LAMA1: variants seen among roughly 807,000 people sequenced by gnomAD.
The protein encoded by LAMA1 is laminin subunit alpha 1.
In LAMA1, 219 loss-of-function variants were observed where a neutral mutation model predicts 348.7. The observed-to-expected ratio is 0.63, with a 90% CI of 0.56 to 0.70. The LOEUF (loss-of-function observed/expected upper bound fraction) is 0.70, where lower values mean the gene tolerates loss of function less well. LAMA1 is among the 30% of genes least tolerant of loss of function. The pLI is 0.00. For synonymous variants in LAMA1, 1,487 were observed against 1,491.0 expected, an observed-to-expected ratio of 1.00 and a Z score of 0.06; for missense variants, 3,744 against 3,888.0, an observed-to-expected ratio of 0.96 and a Z score of 0.99.
chr18:6,947,840 C>G (rs186370697), intron 60 of LAMA1, among the ~76,000 whole-genome samples: 41 of 152,242 alleles, frequency 2.7e-4, no homozygotes, highest in Non-Finnish European at 2.1e-4. Flanking sequence ...GCAGTTGTTA[C>G]CATGCCCAGG....
chr18:7,053,296 A>G (rs893231848), intron 3 of LAMA1, among the ~76,000 whole-genome samples: 1 of 152,178 alleles, frequency 6.6e-6, no homozygotes, highest in Non-Finnish European at 1.5e-5. Flanking sequence ...AAACACACAG[A>G]ATGTACAACA....
At position 6,955,632 on chromosome 18, in the gene LAMA1, G is replaced by T. The variant is rs1000883496; in HGVS notation, c.8095-167C>A. On this transcript the variant is annotated intron_variant, in intron 56 of 62. Coordinates refer to ENST00000389658, the MANE Select transcript of LAMA1 (RefSeq NM_005559.4). ...CATCTTCGGTTTAAATGATGCACTC[G>T]CCAGCGCTTTATCTCCCTGAAGAAA... 6 of 695,834 alleles carry T rather than the reference G, an allele frequency of 8.6e-6. No individual in the cohort carries two copies. In the African/African-American group the frequency reaches 1.1e-4, roughly 12 times the overall value. The allele number at this position is 695,834 out of a possible 1,614,324, so 43.1% of individuals were successfully genotyped here. A position where few individuals can be genotyped will look rare whatever the true frequency, so the allele number is the denominator to read the frequency against.
intron 36 of LAMA1, 119 bp from the exon 37 acceptor site, chr18:6,986,466 G>A: frequency 1.2e-6 from 1 of 852,868 alleles, no homozygotes; most frequent in South Asian, 1.5e-5. Context: ...AATTGTAAGT[G>A]ATACATCATA....
At chr18:7,067,849 C>G (rs984751363) in intron 3 of LAMA1, among the ~76,000 whole-genome samples, 15 of 147,228 alleles carry the variant, frequency 1.0e-4, no homozygotes, top group African/African-American at 3.0e-4. Context: ...CCGGTGGGTC[C>G]TTTTCGCATT....
chr18:7,060,912 T>G (rs2058099773), intron 3 of LAMA1, among the ~76,000 whole-genome samples: 2 of 152,060 alleles, frequency 1.3e-5, no homozygotes, highest in African/African-American at 4.8e-5. Context: ...TCCCAGCACT[T>G]TGGGAGGCCA....
At chr18:6,978,156 A>T in intron 43 of LAMA1, 40 bp downstream of exon 43, 4 of 1,612,872 alleles carry the variant, frequency 2.5e-6, no homozygotes, top group Non-Finnish European at 2.5e-6. Flanking sequence ...CGTCTGCATG[A>T]CGCAGACGAT....
At chr18:7,011,600 T>A in intron 24 of LAMA1, 121 bp from the exon 25 acceptor site, 3 of 1,029,990 alleles carry the variant, frequency 2.9e-6, no homozygotes, top group Non-Finnish European at 4.4e-6. Flanking sequence ...ACAGAAACAG[T>A]AAAGACTTTT....
chr18:6,962,060 C>A lies in LAMA1; in HGVS notation c.7338-1G>T, dbSNP rs780906277. On this transcript the variant is annotated splice_acceptor_variant, in intron 51 of 62. Transcript: ENST00000389658. LOFTEE classifies it high-confidence loss of function. The stretch of plus-strand genomic sequence containing the variant: ...AAAGCTTTTGGTGGTGACACCTCTC[C>A]TGTAGGGAAGGGCATGAGAACAATC... The A allele has an allele frequency of 1.2e-6, 2 of 1,605,854 alleles. No individual in the cohort carries two copies.
intron 20 of LAMA1, 120 bp from the exon 21 acceptor site, chr18:7,016,791 A>G: frequency 1.1e-6 from 1 of 921,390 alleles, no homozygotes; most frequent in Non-Finnish European, 1.6e-6. Flanking sequence ...TATTCATGAC[A>G]CCATCCCCAT....
At position 7,050,739 on chromosome 18, in the gene LAMA1, G is replaced by A; in HGVS notation, c.543C>T (p.Ile181=). 3.1e-6 allele frequency: 5 copies of A among 1,614,124 alleles called. No homozygotes were observed. The highest frequency in any genetic ancestry group is 4.2e-6 in the Non-Finnish European group (5 of 1,180,028). ...PPTYRADDEV[I]CTSYYSRLVP... Reference sequence around the variant, plus strand: ...CCAATCTGGAATAATAGGAGGTGCAGATCACTTCATCATCAGCCCTGTAGG... The same window carrying A: ...CCAATCTGGAATAATAGGAGGTGCAAATCACTTCATCATCAGCCCTGTAGG... The change falls in exon 4 of 63, where the codon ATC becomes ATT. Residue 181 remains isoleucine, a synonymous_variant. Coordinates refer to ENST00000389658, the MANE Select transcript of LAMA1 (RefSeq NM_005559.4).
At chr18:7,059,198 G>A (rs186798553) in intron 3 of LAMA1, among the ~76,000 whole-genome samples, 36 of 152,268 alleles carry the variant, frequency 2.4e-4, no homozygotes, top group African/African-American at 7.9e-4. Context: ...CCAGTATATA[G>A]AATATTAAAC....
intron 1 of LAMA1, among the ~76,000 whole-genome samples, chr18:7,111,800 C>G (rs553608767): frequency 1.1e-4 from 16 of 152,304 alleles, no homozygotes; most frequent in Admixed American, 9.8e-4. Context: ...TCTAGTTCAT[C>G]CAAATATTTC....
chr18:7,017,433 T>C, intron 19 of LAMA1, 49 bp from the exon 20 acceptor site: 1 of 1,322,736 alleles, frequency 7.6e-7, no homozygotes, highest in Non-Finnish European at 1.1e-6. Context: ...CTGAGGATGG[T>C]TATCATAAGA....
intron 53 of LAMA1, among the ~76,000 whole-genome samples, chr18:6,961,168 G>C (rs894540915): frequency 6.6e-5 from 10 of 152,054 alleles, no homozygotes; most frequent in African/African-American, 2.4e-4. Flanking sequence ...CATTTCCCTT[G>C]CTGCTCCTTT....
chr18:7,015,423 CCA>C (rs761666688), intron 22 of LAMA1, among the ~76,000 whole-genome samples: 9 of 151,968 alleles, frequency 5.9e-5, no homozygotes, highest in Non-Finnish European at 1.3e-4. Context: ...GCGTGTGCCA[CCA>C]CACCAGGCTA....
rs80087301 is a variant in LAMA1, at chr18:7,062,728, C to A, written c.346-11792G>T. Among the ~76,000 whole-genome samples, 1,133 of 152,320 alleles carry A rather than the reference C, an allele frequency of 7.4e-3. 53 individuals are homozygous for A. The highest frequency in any genetic ancestry group is 0.069 in the Admixed American group (1,052 of 15,300). On this transcript the variant is annotated intron_variant, in intron 3 of 62. Coordinates refer to ENST00000389658, the MANE Select transcript of LAMA1 (RefSeq NM_005559.4). ...CAGCTCGATCAGATCCCTCTCTCCACTGTAGGAAGAGTGCAGAGTTCTCTC... is the reference window on the plus strand; with the variant it reads ...CAGCTCGATCAGATCCCTCTCTCCAATGTAGGAAGAGTGCAGAGTTCTCTC...
rs563610363 is a variant in LAMA1 at position 6,959,573 on chromosome 18, G to A, written c.7627-81C>T. On this transcript the variant is annotated intron_variant, in intron 53 of 62. Coordinates refer to ENST00000389658, the MANE Select transcript of LAMA1 (RefSeq NM_005559.4). ...AAAACTTTCATCTTATGAAGATAAC[G>A]TGAGAAGATTAACATCAAGTGAGTA... The A allele has an allele frequency of 2.2e-5, 32 of 1,461,056 alleles. No individual in the cohort carries two copies. In the East Asian group the frequency reaches 2.7e-4, roughly 12 times the overall value. 90.5% of individuals were successfully genotyped at this position (1,461,056 alleles called of 1,614,324 possible). A position where few individuals can be genotyped will look rare whatever the true frequency, so the allele number is the denominator to read the frequency against.
chr18:7,069,579 T>G (rs926252118), intron 3 of LAMA1, among the ~76,000 whole-genome samples: 1 of 151,620 alleles, frequency 6.6e-6, no homozygotes, highest in African/African-American at 2.4e-5. Context: ...ACTGGCACTG[T>G]GTGACTGGAG....
chr18:7,061,240 G>T (rs531767030), intron 3 of LAMA1, among the ~76,000 whole-genome samples: 1 of 152,180 alleles, frequency 6.6e-6, no homozygotes, highest in South Asian at 2.1e-4. Flanking sequence ...TCCTAGTCTC[G>T]ATGTATTTCT....
Sources: allele counts gnomAD v4.1 joint callset (sites outside exome capture counted in the v4.1 genomes callset), GRCh38; gene constraint gnomAD v4.1.1; transcripts MANE v1.5; gene names NCBI Gene and HGNC (gene_info 2026-07-23, HGNC 2026-07-21).